Variants in TET3 observed in about 807,000 individuals in gnomAD.
TET3 encodes methylcytosine dioxygenase TET3.
In TET3, 19 loss-of-function variants were observed where a neutral mutation model predicts 141.4. The ratio of observed to expected loss-of-function variants is 0.13; its 90% confidence interval spans 0.09 to 0.20. The LOEUF (loss-of-function observed/expected upper bound fraction) is 0.20. Among genes scored for constraint, TET3 ranks in the 10% least tolerant of loss-of-function variants. The probability of loss-of-function intolerance (pLI) is 1.00; values close to 1 mark genes in which losing one functional copy is unlikely to be tolerated. For synonymous variants in TET3, 1,043 were observed against 980.9 expected, an observed-to-expected ratio of 1.06 and a Z score of -1.18; for missense variants, 1,874 against 2,356.9, an observed-to-expected ratio of 0.80 and a Z score of 4.24.
intron 4 of TET3, among the ~76,000 whole-genome samples, chr2:74,054,854 C>A (rs1011369494): frequency 1.3e-5 from 2 of 152,180 alleles, no homozygotes; most frequent in Non-Finnish European, 2.9e-5. Flanking sequence ...GCAGTTAAAG[C>A]CCAGATTCCT....
the TET3 span, among the ~76,000 whole-genome samples, chr2:74,115,440 A>G: frequency 0.58 from 88,506 of 151,966 alleles, 28,249 homozygotes; most frequent in East Asian, 0.87. Context: ...GGGAGACGAC[A>G]CGGAATGAAA....
Position 74,041,584 on chromosome 2 carries a change from A to T in TET3, c.361-4694A>T, listed in dbSNP as rs534829022. Among the ~76,000 whole-genome samples, 232 of 152,370 alleles carry T rather than the reference A, an allele frequency of 1.5e-3. 6 individuals are homozygous for T. In the South Asian group the frequency reaches 0.047, roughly 31 times the overall value. ...CAACCTGCATTTAAAAATAAAGAAG[A>T]AAGATACATTAATGTATCTGTTAAG... On this transcript the variant is annotated intron_variant, in intron 3 of 11. Transcript: ENST00000409262.
chr2:74,036,093 C>T (rs1687043079), intron 3 of TET3, among the ~76,000 whole-genome samples: 1 of 152,210 alleles, frequency 6.6e-6, no homozygotes, highest in Non-Finnish European at 1.5e-5. Flanking sequence ...TACTATGTAC[C>T]TGGTACTGTT....
At chr2:74,065,956 A>T (rs968512209) in intron 4 of TET3, among the ~76,000 whole-genome samples, 1 of 152,080 alleles carries the variant, frequency 6.6e-6, no homozygotes, top group South Asian at 2.1e-4. Context: ...ATGGGGTTTC[A>T]CTGTGGTAGC....
chr2:74,032,312 G>T (rs533120635), intron 3 of TET3, among the ~76,000 whole-genome samples: 2 of 149,420 alleles, frequency 1.3e-5, no homozygotes, highest in East Asian at 3.9e-4. Context: ...GGGTGATGAG[G>T]AGTAGATCTG....
intron 3 of TET3, among the ~76,000 whole-genome samples, chr2:74,045,555 G>T (rs993372784): frequency 6.6e-6 from 1 of 152,202 alleles, no homozygotes; most frequent in African/African-American, 2.4e-5. Context: ...CGTGCTTGGG[G>T]AGAGGCCTGA....
Position 74,100,387 on chromosome 2 carries a change from C to T in TET3, c.3605-6C>T. The T allele has an allele frequency of 1.3e-6, 2 of 1,556,578 alleles. No individual in the cohort carries two copies. Among genetic ancestry groups the T allele is most frequent in the Non-Finnish European group, 1.7e-6 (2 of 1,149,614 alleles). ...CCCTCTGCCATCTTGCCTTCTGTTT[C>T]CCCAGGCCTGTCTCTGAAGGGTGGA... On this transcript the variant is annotated splice_polypyrimidine_tract_variant and splice_region_variant and intron_variant, in intron 11 of 11. Coordinates refer to ENST00000409262, the MANE Select transcript of TET3 (RefSeq NM_001287491.2).
chr2:74,090,527 C>T (rs936808740), intron 8 of TET3, among the ~76,000 whole-genome samples: 2 of 152,216 alleles, frequency 1.3e-5, no homozygotes, highest in Non-Finnish European at 2.9e-5. Flanking sequence ...CATCCGGGCC[C>T]TTGCAGTCTC....
chr2:74,127,315 T>C, the TET3 span, among the ~76,000 whole-genome samples: 1 of 152,256 alleles, frequency 6.6e-6, no homozygotes, highest in Non-Finnish European at 1.5e-5. Flanking sequence ...TACAACTATG[T>C]AATTCTTTTA....
chr2:74,096,813 T>C (rs143349660), intron 10 of TET3, among the ~76,000 whole-genome samples: 4 of 148,312 alleles, frequency 2.7e-5, no homozygotes, highest in African/African-American at 1.0e-4. Flanking sequence ...CAGGTCAGGC[T>C]GGGCACGGTG....
chr2:74,051,878 C>G (rs1356485255), intron 4 of TET3, among the ~76,000 whole-genome samples: 1 of 152,190 alleles, frequency 6.6e-6, no homozygotes, highest in African/African-American at 2.4e-5. Context: ...GAAACAAGTC[C>G]TCACTAAAAC....
At chr2:74,058,570 A>AT (rs1295539353) in intron 4 of TET3, among the ~76,000 whole-genome samples, 5 of 152,064 alleles carry the variant, frequency 3.3e-5, no homozygotes, top group Admixed American at 1.3e-4. Flanking sequence ...TTGTAGACAA[A>AT]TTTTTTTTAA....
rs1691164550 is a variant in TET3 at position 74,100,899 on chromosome 2, A to G, written c.4111A>G (p.Lys1371Glu). Residue 1371 changes from lysine (K) to glutamate (E), a missense_variant, in exon 12 of 12, where the codon AAG becomes GAG. Coordinates refer to ENST00000409262, the MANE Select transcript of TET3 (RefSeq NM_001287491.2). ...YPGPKEYLLPKAPLLHSVSRD... is the reference protein window; with the variant it reads ...YPGPKEYLLPEAPLLHSVSRD... ...AGGCCCCAAGGAGTATCTGCTTCCC[A>G]AGGCCCCCCTACTCCACTCAGTGTC... 1 of 1,609,972 alleles carries G rather than the reference A, an allele frequency of 6.2e-7. No individual in the cohort carries two copies. The highest frequency in any genetic ancestry group is 1.3e-5 in the African/African-American group (1 of 74,822).
At chr2:74,051,079 G>C (rs1473614356) in intron 4 of TET3, among the ~76,000 whole-genome samples, 11 of 152,170 alleles carry the variant, frequency 7.2e-5, no homozygotes, top group Non-Finnish European at 1.5e-4. Context: ...GAACACAGAT[G>C]GGGAGAGGCA....
chr2:74,073,551 C>G lies in TET3; in HGVS notation c.2497C>G (p.Gln833Glu), dbSNP rs749402121. ...GTTTACTCTCTGTGTTTCTGCAGAA[C>G]AAATAGTGGAGAAAGATGAAGGTCC... is the stretch of plus-strand genomic sequence containing the variant. The part of the protein sequence containing the change: ...AEFPTCDCVE[Q>E]IVEKDEGPYY... Residue 833 changes from glutamine (Q) to glutamate (E), a missense_variant and splice_region_variant, in exon 5 of 12, where the codon CAA becomes GAA. Gln to Glu is a conservative substitution (Grantham distance 29). This residue lies in a region of TET3 where 83 missense variants were observed against 107.0 expected (regional missense o/e 0.78). Transcript: ENST00000409262. The G allele has an allele frequency of 6.2e-7, 1 of 1,604,942 alleles. No homozygotes were observed. The highest frequency in any genetic ancestry group is 1.1e-5 in the South Asian group (1 of 88,568).
chr2:74,080,623 TGTG>T, intron 6 of TET3, 32 bp downstream of exon 6: 2 of 1,563,166 alleles, frequency 1.3e-6, no homozygotes, highest in South Asian at 2.3e-5. Context: ...GAGCCACAGC[TGTG>T]CCTGGTTCCC....
intron 8 of TET3, 58 bp from the exon 9 acceptor site, chr2:74,092,844 G>C: frequency 1.4e-6 from 2 of 1,448,994 alleles, no homozygotes; most frequent in Non-Finnish European, 1.9e-6. Context: ...CCACTTCCAG[G>C]GTGCAGGGTC....
chr2:74,040,860 A>G (rs1687300730), intron 3 of TET3, among the ~76,000 whole-genome samples: 1 of 152,084 alleles, frequency 6.6e-6, no homozygotes, highest in Admixed American at 6.6e-5. Context: ...GCGCAACTGC[A>G]CTCCATCATG....
chr2:74,109,605 T>C (rs1691653830), downstream of TET3, among the ~76,000 whole-genome samples: 1 of 152,244 alleles, frequency 6.6e-6, no homozygotes, highest in South Asian at 2.1e-4. Flanking sequence ...CTCAGTCTAT[T>C]TCTTTCTACG....
Sources: allele counts gnomAD v4.1 joint callset (sites outside exome capture counted in the v4.1 genomes callset), GRCh38; gene constraint gnomAD v4.1.1; regional missense constraint gnomAD v4.1.1; transcripts MANE v1.5; gene names NCBI Gene and HGNC (gene_info 2026-07-23, HGNC 2026-07-21).